The following TRABD2B variants were observed in gnomAD, a reference collection of about 807,000 sequenced individuals.
The protein encoded by TRABD2B is metalloprotease TIKI2.
TRABD2B carries 14 observed loss-of-function variants against 40.1 expected under a neutral mutation model. That is an observed-to-expected ratio of 0.35 (90% CI 0.23 to 0.55). The LOEUF (loss-of-function observed/expected upper bound fraction) is 0.55. TRABD2B is among the 20% of genes least tolerant of loss of function. TRABD2B has a pLI of 0.90. For missense variants in TRABD2B, 541 were observed against 648.6 expected, an observed-to-expected ratio of 0.83 and a Z score of 1.80; for synonymous variants, 263 against 277.0, an observed-to-expected ratio of 0.95 and a Z score of 0.50.
intron 2 of TRABD2B, among the ~76,000 whole-genome samples, chr1:47,854,880 G>A (rs1643875451): frequency 6.6e-6 from 1 of 152,168 alleles, no homozygotes; most frequent in Non-Finnish European, 1.5e-5. Flanking sequence ...TGCCTTTGGA[G>A]TCACATGTAA....
chr1:47,921,839 A>G (rs879609497), intron 2 of TRABD2B, among the ~76,000 whole-genome samples: 2 of 152,210 alleles, frequency 1.3e-5, no homozygotes, highest in Non-Finnish European at 2.9e-5. Context: ...TAGTCACTGA[A>G]TAAGTGACTG....
intron 2 of TRABD2B, among the ~76,000 whole-genome samples, chr1:47,812,189 A>G (rs1224069384): frequency 1.3e-5 from 2 of 152,248 alleles, no homozygotes; most frequent in East Asian, 3.8e-4. Context: ...ATTGAGGAAA[A>G]TAATAAAACA....
chr1:47,970,640 C>T (rs1214118290), intron 2 of TRABD2B, among the ~76,000 whole-genome samples: 2 of 152,192 alleles, frequency 1.3e-5, no homozygotes. Context: ...CATTTATTTT[C>T]ACTTGCACGT....
At chr1:47,843,013 T>G (rs965823404) in intron 2 of TRABD2B, among the ~76,000 whole-genome samples, 1 of 152,024 alleles carries the variant, frequency 6.6e-6, no homozygotes, top group African/African-American at 2.4e-5. Flanking sequence ...AGTGTCATGA[T>G]GAAGGAGCAT....
At chr1:47,774,623 A>G (rs1376787389) in intron 6 of TRABD2B, among the ~76,000 whole-genome samples, 1 of 152,160 alleles carries the variant, frequency 6.6e-6, no homozygotes, top group Non-Finnish European at 1.5e-5. Flanking sequence ...GATTTCTCCT[A>G]TCTGTCCATT....
chr1:47,909,770 C>CCCTCT (rs1644733620), intron 2 of TRABD2B, among the ~76,000 whole-genome samples: 1 of 16,376 alleles, frequency 6.1e-5, no homozygotes, highest in Non-Finnish European at 1.2e-4. Flanking sequence ...CCCTCCCTTC[C>CCCTCT]CCTCCCCTCC....
At chr1:47,794,796 T>C in intron 3 of TRABD2B, 36 bp from the exon 4 acceptor site, 1 of 1,442,720 alleles carries the variant, frequency 6.9e-7, no homozygotes, top group Non-Finnish European at 9.1e-7. Context: ...TTCAGTTTTT[T>C]TTTTTTTTTT....
intron 2 of TRABD2B, among the ~76,000 whole-genome samples, chr1:47,952,590 A>C (rs6675019): frequency 0.25 from 38,151 of 151,922 alleles, 4,807 homozygotes; most frequent in Admixed American, 0.28. Flanking sequence ...CTGACACTCG[A>C]AGGCCTCGAG....
intron 2 of TRABD2B, among the ~76,000 whole-genome samples, chr1:47,820,821 C>CAA (rs1031204360): frequency 7.4e-6 from 1 of 134,394 alleles, no homozygotes; most frequent in East Asian, 2.3e-4. Flanking sequence ...CACACACACA[C>CAA]AAAATCTTAC....
chr1:47,789,143 C>T (rs965381657), intron 4 of TRABD2B, among the ~76,000 whole-genome samples: 1 of 152,140 alleles, frequency 6.6e-6, no homozygotes, highest in South Asian at 2.1e-4. Context: ...AATTCTGAGG[C>T]GTATGTGCCC....
At chr1:47,783,115 G>T (rs922626046) in intron 4 of TRABD2B, among the ~76,000 whole-genome samples, 2 of 152,076 alleles carry the variant, frequency 1.3e-5, no homozygotes, top group Non-Finnish European at 2.9e-5. Context: ...AGGGAGAAGA[G>T]CAGAGAGATA....
At chr1:47,795,598 A>T in intron 3 of TRABD2B, 2 of 965,134 alleles carry the variant, frequency 2.1e-6, no homozygotes, top group Non-Finnish European at 2.5e-6. Flanking sequence ...CAGCTTTGTC[A>T]CTTGTAAGAT....
chr1:47,848,841 A>C (rs1645507978), intron 2 of TRABD2B, among the ~76,000 whole-genome samples: 1 of 152,234 alleles, frequency 6.6e-6, no homozygotes, highest in African/African-American at 2.4e-5. Flanking sequence ...TGTCCCCAGG[A>C]GAAAAGAAAA....
chr1:47,876,901 G>C (rs978254977), intron 2 of TRABD2B, among the ~76,000 whole-genome samples: 3 of 152,132 alleles, frequency 2.0e-5, no homozygotes, highest in African/African-American at 7.2e-5. Context: ...ACAACTGTCT[G>C]TCAAGCTCTT....
At position 47,775,319 on chromosome 1, in the gene TRABD2B, A is replaced by G; in HGVS notation, c.1200T>C (p.Asp400=). Residue 400 remains aspartate, a synonymous_variant, in exon 6 of 7, where the codon GAT becomes GAC. Coordinates refer to ENST00000606738, the MANE Select transcript of TRABD2B (RefSeq NM_001194986.2). ...PSVTPTAPPE[D]EDPALSPHLL... Reference sequence around the variant, plus strand: ...GGTGTGGGGACAGGGCTGGATCCTCATCCTCTGGTGGGGCGGTGGGGGTCA... The same window carrying G: ...GGTGTGGGGACAGGGCTGGATCCTCGTCCTCTGGTGGGGCGGTGGGGGTCA... 1 of 1,245,890 alleles carries G rather than the reference A, an allele frequency of 8.0e-7. No homozygotes were observed. The highest frequency in any genetic ancestry group is 1.0e-6 in the Non-Finnish European group (1 of 993,052). The allele number at this position is 1,245,890 out of a possible 1,614,324, so 77.2% of individuals were successfully genotyped here.
rs1039683117 is a variant in TRABD2B, at chr1:47,815,332, G to A, written c.667-13713C>T. ...TTGTGCAGGTCTGACCTGGGAGGGCGGGCTGTATGTGAGGCGATGAGAGCA... is the reference window on the plus strand; with the variant it reads ...TTGTGCAGGTCTGACCTGGGAGGGCAGGCTGTATGTGAGGCGATGAGAGCA... On this transcript the variant is annotated intron_variant, in intron 2 of 6. Transcript: ENST00000606738. Among the ~76,000 whole-genome samples, 13 of 152,302 alleles carry A rather than the reference G, an allele frequency of 8.5e-5. 2 individuals are homozygous for A. The South Asian group carries it at 1.9e-3, about 22-fold the overall frequency.
chr1:47,923,818 G>A (rs540544815), intron 2 of TRABD2B, among the ~76,000 whole-genome samples: 2 of 152,086 alleles, frequency 1.3e-5, no homozygotes, highest in East Asian at 1.9e-4. Flanking sequence ...CAGTCTGCTG[G>A]TCTACCCTGA....
chr1:47,950,914 C>T (rs1411053323), intron 2 of TRABD2B, among the ~76,000 whole-genome samples: 1 of 152,232 alleles, frequency 6.6e-6, no homozygotes, highest in Non-Finnish European at 1.5e-5. Context: ...GGTACTGATG[C>T]TCACCTGGGA....
intron 6 of TRABD2B, among the ~76,000 whole-genome samples, chr1:47,768,165 A>T (rs1486766223): frequency 6.6e-6 from 1 of 151,996 alleles, no homozygotes; most frequent in African/African-American, 2.4e-5. Flanking sequence ...GGCCTTCAGC[A>T]CCCCCTGCAG....
Sources: allele counts gnomAD v4.1 joint callset (sites outside exome capture counted in the v4.1 genomes callset), GRCh38; gene constraint gnomAD v4.1.1; transcripts MANE v1.5; gene names NCBI Gene and HGNC (gene_info 2026-07-23, HGNC 2026-07-21).